The following MINK1 variants were observed in gnomAD, a reference collection of about 807,000 sequenced individuals.
The protein encoded by MINK1 is misshapen-like kinase 1.
A neutral mutation model predicts 178.4 loss-of-function variants in MINK1; 46 were observed. The observed-to-expected ratio is 0.26, with a 90% CI of 0.20 to 0.33. MINK1 has a LOEUF of 0.33. Among genes scored for constraint, MINK1 ranks in the 10% least tolerant of loss-of-function variants. The probability of loss-of-function intolerance (pLI) is 1.00; values close to 1 mark genes in which losing one functional copy is unlikely to be tolerated. For synonymous variants in MINK1, 797 were observed against 709.7 expected (o/e 1.12, Z -1.96); for missense variants, 1,366 against 1,814.9 (o/e 0.75, Z 4.49).
chr17:4,857,085 C>G (rs1913273451), intron 1 of MINK1: 1 of 192,704 alleles, frequency 5.2e-6, no homozygotes, highest in Admixed American at 6.1e-5. Context: ...TGCCAGGCCA[C>G]TCAGGCCAGC....
chr17:4,835,663 C>T (rs9895848), intron 1 of MINK1, among the ~76,000 whole-genome samples: 37,628 of 151,956 alleles, frequency 0.25, 5,674 homozygotes, highest in Non-Finnish European at 0.34. Flanking sequence ...CGGGGCGGGT[C>T]CAAACCACAA....
At chr17:4,854,094 T>A (rs1912635204) in intron 1 of MINK1, among the ~76,000 whole-genome samples, 1 of 152,176 alleles carries the variant, frequency 6.6e-6, no homozygotes, top group Non-Finnish European at 1.5e-5. Context: ...ATGGTGTTTA[T>A]TTTTTCCTTT....
At chr17:4,864,519 G>A (rs1485760122) in intron 1 of MINK1, among the ~76,000 whole-genome samples, 9 of 151,898 alleles carry the variant, frequency 5.9e-5, no homozygotes, top group Non-Finnish European at 1.5e-5. Context: ...GAGGTTAGGA[G>A]TTCGAGACCA....
intron 1 of MINK1, among the ~76,000 whole-genome samples, chr17:4,842,222 C>CG (rs534498003): frequency 7.9e-6 from 1 of 127,222 alleles, no homozygotes; most frequent in Non-Finnish European, 1.6e-5. Context: ...AGACTCTGTC[C>CG]AAAAAAAAAA....
Position 4,894,451 on chromosome 17 carries a change from T to C in MINK1, c.2809-74T>C. 6.6e-7 allele frequency: 1 copy of C among 1,519,394 alleles called. No homozygotes were observed. Among genetic ancestry groups the C allele is most frequent in the Non-Finnish European group, 8.9e-7 (1 of 1,117,808 alleles). The allele number at this position is 1,519,394 out of a possible 1,614,324, so 94.1% of individuals were successfully genotyped here. A position where few individuals can be genotyped will look rare whatever the true frequency, so the allele number is the denominator to read the frequency against. On this transcript the variant is annotated intron_variant, in intron 23 of 31. Transcript: ENST00000355280. This position sits in a 1 kb window ranked among gnomAD's most constrained non-coding sequence, Gnocchi z 4.1. ...GGGTGCCAGTTGGGGAGCTGGAGCC[T>C]GGGGAACAGCAGCAGGGGCAGGGCC...
Position 4,881,263 on chromosome 17 carries a change from A to G in MINK1, c.306+6A>G. On this transcript the variant is annotated splice_donor_region_variant and intron_variant, in intron 4 of 31. Coordinates refer to ENST00000355280, the MANE Select transcript of MINK1 (RefSeq NM_153827.5). Reference sequence around the variant, plus strand: ...GAAACGATGACCAGCTCTGGGTGAGAAACGCCCCCCTGCCCGCCTTCCCTC... The same window carrying G: ...GAAACGATGACCAGCTCTGGGTGAGGAACGCCCCCCTGCCCGCCTTCCCTC... 6.5e-7 allele frequency: 1 copy of G among 1,536,770 alleles called. No homozygotes were observed. The highest frequency in any genetic ancestry group is 1.4e-5 in the African/African-American group (1 of 73,082).
chr17:4,885,415 C>T lies in MINK1; in HGVS notation c.509-68C>T, dbSNP rs1017670951. 59 of 1,584,724 alleles carry T rather than the reference C, an allele frequency of 3.7e-5. No individual in the cohort carries two copies. The South Asian group carries it at 4.3e-4, about 12-fold the overall frequency. ...GGCTCAGGCAAGTCCTGTGTGTGCA[C>T]GCAGGGATGTGAGGCAAGGGAGCAG... On this transcript the variant is annotated intron_variant, in intron 6 of 31. Coordinates refer to ENST00000355280, the MANE Select transcript of MINK1 (RefSeq NM_153827.5). This position sits in a 1 kb window ranked among gnomAD's most constrained non-coding sequence, Gnocchi z 5.0.
Position 4,892,986 on chromosome 17 carries a change from C to G in MINK1, c.2319C>G (p.Ser773=), listed in dbSNP as rs529581925. 7.0e-6 allele frequency: 11 copies of G among 1,572,122 alleles called. No individual in the cohort carries two copies. The highest frequency in any genetic ancestry group is 1.7e-4 in the Middle Eastern group (1 of 6,024). ...SLERNRVGVS[S]KPDSSPVLSP... ...TTCCACCCTGCCGTCCAGTCTCCTC[C>G]AAACCGGACAGCTCCCCTGTGCTCT... Residue 773 remains serine, a synonymous_variant, in exon 20 of 32, where the codon TCC becomes TCG. Coordinates refer to ENST00000355280, the MANE Select transcript of MINK1 (RefSeq NM_153827.5).
chr17:4,842,993 T>C (rs183173070), intron 1 of MINK1, among the ~76,000 whole-genome samples: 43 of 152,300 alleles, frequency 2.8e-4, no homozygotes, highest in African/African-American at 1.0e-3. Flanking sequence ...CAGAGCTGCC[T>C]TCCACAGCTC....
chr17:4,866,560 A>G lies in MINK1; in HGVS notation c.58-11757A>G, dbSNP rs1054928158. On this transcript the variant is annotated intron_variant, in intron 1 of 31. Coordinates refer to ENST00000355280, the MANE Select transcript of MINK1 (RefSeq NM_153827.5). Reference sequence around the variant, plus strand: ...CACACAGCCTGTTGGCAGCAGAGCCAAGAATAAGAAACCAAATTCTGAGCA... The same window carrying G: ...CACACAGCCTGTTGGCAGCAGAGCCGAGAATAAGAAACCAAATTCTGAGCA... Among the ~76,000 whole-genome samples, 30 of 151,680 alleles carry G rather than the reference A, an allele frequency of 2.0e-4. No individual in the cohort carries two copies. In the Admixed American group the frequency reaches 2.0e-3, roughly 10 times the overall value.
chr17:4,885,632 G>A lies in MINK1; in HGVS notation c.639+19G>A. On this transcript the variant is annotated intron_variant, in intron 7 of 31. Coordinates refer to ENST00000355280, the MANE Select transcript of MINK1 (RefSeq NM_153827.5). This position sits in a 1 kb window ranked among gnomAD's most constrained non-coding sequence, Gnocchi z 5.0. ...TTACAGGGTATGGAGTGGAAAGTTGGGAGCATGGGGGCTGCCAAGGGCGGG... is the reference window on the plus strand; with the variant it reads ...TTACAGGGTATGGAGTGGAAAGTTGAGAGCATGGGGGCTGCCAAGGGCGGG... 6.2e-7 allele frequency: 1 copy of A among 1,613,602 alleles called. No individual in the cohort carries two copies. Among genetic ancestry groups the A allele is most frequent in the Non-Finnish European group, 8.5e-7 (1 of 1,179,686 alleles).
intron 1 of MINK1, among the ~76,000 whole-genome samples, chr17:4,849,768 T>A (rs1796457434): frequency 6.6e-6 from 1 of 152,002 alleles, no homozygotes; most frequent in Non-Finnish European, 1.5e-5. Context: ...AGGTGGGGTT[T>A]CTCCATGTTG....
Position 4,896,737 on chromosome 17 carries a change from A to G in MINK1, c.3839A>G (p.Glu1280Gly). The G allele has an allele frequency of 6.2e-7, 1 of 1,603,820 alleles. No individual in the cohort carries two copies. Among genetic ancestry groups the G allele is most frequent in the Non-Finnish European group, 8.5e-7 (1 of 1,174,212 alleles). Residue 1280 changes from glutamate to glycine, a missense_variant, in exon 31 of 32, where the codon GAG becomes GGG. Glu to Gly is a moderately conservative substitution (Grantham distance 98, BLOSUM62 -2). This residue lies in a region of MINK1 where 201 missense variants were observed against 240.7 expected (regional missense o/e 0.84). Coordinates refer to ENST00000355280, the MANE Select transcript of MINK1 (RefSeq NM_153827.5). The surrounding 1 kb of genome is among the most constrained non-coding windows in gnomAD (Gnocchi z 4.6). The stretch of plus-strand genomic sequence containing the variant: ...AAAGCCATTGAGATCCGCTCTGTGG[A>G]GACGGGCCACCTCGACGGGGTCTTC... Reference protein sequence around the residue: ...GEKAIEIRSVETGHLDGVFMH... With the variant: ...GEKAIEIRSVGTGHLDGVFMH...
chr17:4,848,388 T>G (rs571676990), intron 1 of MINK1, among the ~76,000 whole-genome samples: 4 of 152,202 alleles, frequency 2.6e-5, no homozygotes, highest in African/African-American at 9.6e-5. Context: ...TGAGACGGAG[T>G]CTCACTCTAT....
intron 1 of MINK1, chr17:4,860,792 C>T (rs372358396): frequency 7.7e-6 from 4 of 519,930 alleles, no homozygotes; most frequent in Admixed American, 1.9e-5. Flanking sequence ...AGGACCACGG[C>T]GCTGTGTCCC....
chr17:4,867,104 T>TAATAATAATAATAATAATAAAAAA (rs1180632644), intron 1 of MINK1, among the ~76,000 whole-genome samples: 1 of 138,740 alleles, frequency 7.2e-6, no homozygotes, highest in African/African-American at 2.7e-5. Flanking sequence ...ATAATAATAA[T>TAATAATAATAATAATAATAAAAAA]AAACTGCACA....
At chr17:4,848,612 G>A (rs1043092216) in intron 1 of MINK1, among the ~76,000 whole-genome samples, 2 of 152,018 alleles carry the variant, frequency 1.3e-5, no homozygotes, top group African/African-American at 2.4e-5. Context: ...CGCCTGCCTC[G>A]GCCTCCCAAA....
intron 1 of MINK1, chr17:4,871,022 T>G (rs372608921): frequency 1.0e-4 from 32 of 309,444 alleles, no homozygotes; most frequent in African/African-American, 6.3e-4. Flanking sequence ...ACTTCTCATC[T>G]CTTTAGACTT....
chr17:4,884,438 G>T lies in MINK1; in HGVS notation c.382G>T (p.Asp128Tyr). ...KNTKGNALKE[D>Y]CIAYICREIL... Reference sequence around the variant, plus strand: ...CACAAAAGGCAACGCCCTGAAGGAGGACTGTATCGCCTATATCTGCAGGGA... The same window carrying T: ...CACAAAAGGCAACGCCCTGAAGGAGTACTGTATCGCCTATATCTGCAGGGA... Residue 128 changes from aspartate (D) to tyrosine (Y), a missense_variant, in exon 5 of 32, where the codon GAC (aspartate) becomes TAC (tyrosine). By Grantham distance (160) the Asp-to-Tyr change is radical. Transcript: ENST00000355280. 1 of 1,613,910 alleles carries T rather than the reference G, an allele frequency of 6.2e-7. No homozygotes were observed. Among genetic ancestry groups the T allele is most frequent in the Non-Finnish European group, 8.5e-7 (1 of 1,179,844 alleles).
Sources: allele counts gnomAD v4.1 joint callset (sites outside exome capture counted in the v4.1 genomes callset), GRCh38; gene constraint gnomAD v4.1.1; regional missense constraint gnomAD v4.1.1; non-coding constraint Gnocchi (gnomAD v3.1); transcripts MANE v1.5; gene names NCBI Gene and HGNC (gene_info 2026-07-23, HGNC 2026-07-21).